OLA1: variants seen among roughly 807,000 people sequenced by gnomAD.
OLA1 encodes Obg like ATPase 1.
OLA1 carries 14 observed loss-of-function variants against 48.4 expected under a neutral mutation model. The ratio of observed to expected loss-of-function variants is 0.29; its 90% CI spans 0.19 to 0.45. The LOEUF (loss-of-function observed/expected upper bound fraction) is 0.45, where lower values mean the gene tolerates loss of function less well. Ranked by LOEUF, OLA1 falls within the 20% of genes least tolerant of loss-of-function variation. OLA1 has a pLI of 1.00. For missense variants in OLA1, 325 were observed against 467.1 expected (o/e 0.70, Z 2.80); for synonymous variants, 127 against 150.4 (o/e 0.84, Z 1.14).
chr2:174,079,192 TA>T (rs1684810872), intron 9 of OLA1, 102 bp from the exon 10 acceptor site: 1 of 887,274 alleles, frequency 1.1e-6, no homozygotes, highest in East Asian at 2.7e-5. Context: ...AACTAGAACT[TA>T]GTTTAATATC....
chr2:174,091,697 C>T (rs1056087478), intron 7 of OLA1, among the ~76,000 whole-genome samples: 6 of 151,538 alleles, frequency 4.0e-5, no homozygotes, highest in Non-Finnish European at 8.8e-5. Context: ...ACCAGCCTGG[C>T]TAACATGGTG....
intron 7 of OLA1, among the ~76,000 whole-genome samples, chr2:174,089,139 T>G (rs1343130254): frequency 1.3e-5 from 2 of 151,784 alleles, no homozygotes; most frequent in South Asian, 4.2e-4. Context: ...AGCCCAGGAG[T>G]TGGAGGCTAC....
intron 7 of OLA1, among the ~76,000 whole-genome samples, chr2:174,121,950 C>G (rs957848477): frequency 5.3e-5 from 8 of 152,126 alleles, no homozygotes; most frequent in Non-Finnish European, 8.8e-5. Flanking sequence ...CCATTCATAC[C>G]ACAATGAGAA....
chr2:174,160,899 A>G (rs1478693780), intron 4 of OLA1, among the ~76,000 whole-genome samples: 3 of 152,216 alleles, frequency 2.0e-5, no homozygotes, highest in Non-Finnish European at 4.4e-5. Context: ...AATGATTTGC[A>G]ACCCTCTTGA....
intron 5 of OLA1, among the ~76,000 whole-genome samples, chr2:174,134,941 C>T (rs572271173): frequency 6.6e-6 from 1 of 152,072 alleles, no homozygotes; most frequent in African/African-American, 2.4e-5. Flanking sequence ...GCCGGCGGAT[C>T]ACAAGGTCAG....
chr2:174,143,331 A>G lies in OLA1; in HGVS notation c.374-1331T>C, dbSNP rs116270911. Among the ~76,000 whole-genome samples the G allele has an allele frequency of 5.1e-3, 783 of 152,294 alleles. 3 individuals are homozygous for G. Among genetic ancestry groups the G allele is most frequent in the African/African-American group, 0.018 (760 of 41,568 alleles). Reference sequence around the variant, plus strand: ...AACACAATAGACAGTGGTTTAGGTAAATTTTTTGAATCTTTGAAAATATGA... The same window carrying G: ...AACACAATAGACAGTGGTTTAGGTAGATTTTTTGAATCTTTGAAAATATGA... On this transcript the variant is annotated intron_variant, in intron 4 of 10. Transcript: ENST00000284719.
intron 4 of OLA1, among the ~76,000 whole-genome samples, chr2:174,186,598 G>A (rs540143653): frequency 3.9e-5 from 6 of 152,270 alleles, no homozygotes; most frequent in Middle Eastern, 3.4e-3. Context: ...GGCACGTGTT[G>A]TACAGGCTGG....
rs1359435609 is a variant in OLA1, at chr2:174,226,188, G to A, written c.246-3028C>T. 3.8e-4 allele frequency among the ~76,000 whole-genome samples: 13 copies of A among 34,266 alleles called. 3 individuals carry two copies. Among genetic ancestry groups the A allele is most frequent in the Admixed American group, 1.1e-3 (3 of 2,768 alleles). The allele number at this position is 34,266 out of a possible 152,430, so 22.5% of individuals were successfully genotyped here. On this transcript the variant is annotated intron_variant, in intron 3 of 10. Coordinates refer to ENST00000284719, the MANE Select transcript of OLA1 (RefSeq NM_013341.5). ...CACTCCAGCCTGGGCGACAGAGCGA[G>A]ACTCCGTCTCAAAAAAAAAAAAAAA...
chr2:174,106,001 C>T (rs979876052), intron 7 of OLA1, among the ~76,000 whole-genome samples: 9 of 127,242 alleles, frequency 7.1e-5, no homozygotes, highest in Admixed American at 3.2e-4. Flanking sequence ...TGGCTGTCAA[C>T]TGCTTAACCA....
chr2:174,098,059 CAG>C (rs113971551), intron 7 of OLA1, among the ~76,000 whole-genome samples: 3,724 of 152,206 alleles, frequency 0.024, 133 homozygotes, highest in African/African-American at 0.084. Flanking sequence ...AATTTGAGCA[CAG>C]GGGAGAAACA....
intron 2 of OLA1, among the ~76,000 whole-genome samples, chr2:174,245,320 G>A (rs112573117): frequency 2.0e-5 from 3 of 152,142 alleles, no homozygotes; most frequent in Admixed American, 6.5e-5. Flanking sequence ...CAAGCTCCAG[G>A]AAAGACTGAA....
intron 4 of OLA1, among the ~76,000 whole-genome samples, chr2:174,144,951 A>AAAAAAAAAAAATATATAT (rs1181030817): frequency 5.0e-5 from 2 of 40,296 alleles, no homozygotes; most frequent in Non-Finnish European, 8.0e-5. Flanking sequence ...AAAAAAAAAA[A>AAAAAAAAAAAATATATAT]ATATATATAT....
At chr2:174,087,897 GAC>G (rs1485608793) in intron 7 of OLA1, among the ~76,000 whole-genome samples, 2 of 151,918 alleles carry the variant, frequency 1.3e-5, no homozygotes, top group Non-Finnish European at 1.5e-5. Context: ...TATACATTAG[GAC>G]ATTCTCAAAT....
chr2:174,227,438 G>T (rs546133024), intron 3 of OLA1, among the ~76,000 whole-genome samples: 1 of 152,216 alleles, frequency 6.6e-6, no homozygotes, highest in African/African-American at 2.4e-5. Context: ...ATGGTTGTGT[G>T]GGAGGATATC....
chr2:174,118,504 G>A (rs1446971108), intron 7 of OLA1, among the ~76,000 whole-genome samples: 1 of 152,158 alleles, frequency 6.6e-6, no homozygotes, highest in Non-Finnish European at 1.5e-5. Context: ...GAACATAGAT[G>A]TGTGTACATG....
chr2:174,117,757 C>G (rs1685817401), intron 7 of OLA1, among the ~76,000 whole-genome samples: 1 of 152,070 alleles, frequency 6.6e-6, no homozygotes. Context: ...CCAGGAAAAC[C>G]TGTTATTCAA....
chr2:174,091,342 C>A (rs187498555), intron 7 of OLA1, among the ~76,000 whole-genome samples: 115 of 152,334 alleles, frequency 7.5e-4, no homozygotes, highest in Non-Finnish European at 1.3e-3. Flanking sequence ...TCCACTCTTG[C>A]ATTTTAACCA....
chr2:174,217,745 T>C (rs1475341879), intron 4 of OLA1: 1 of 152,180 alleles, frequency 6.6e-6, no homozygotes, highest in Non-Finnish European at 1.5e-5. Context: ...ATGCATTTTC[T>C]AGAATCTTAT....
At chr2:174,102,734 A>G (rs1398123634) in intron 7 of OLA1, among the ~76,000 whole-genome samples, 2 of 152,178 alleles carry the variant, frequency 1.3e-5, no homozygotes, top group East Asian at 3.9e-4. Flanking sequence ...GGCATTTTAC[A>G]TATGCCATTT....
Sources: gnomAD v4.1 joint callset for allele counts (sites outside exome capture counted in the v4.1 genomes callset) on GRCh38, gnomAD v4.1.1 for gene constraint, MANE v1.5 for transcripts, NCBI Gene and HGNC (gene_info 2026-07-23, HGNC 2026-07-21) for gene names.